Variants in DNAH7 observed in about 807,000 individuals in gnomAD.
The protein encoded by DNAH7 is axonemal beta dynein heavy chain 7.
Under a neutral mutation model 444.6 loss-of-function variants are expected in DNAH7, and 397 were observed. That is an observed-to-expected ratio of 0.89 (90% confidence interval 0.82 to 0.97). The LOEUF (loss-of-function observed/expected upper bound fraction) is 0.97, where lower values mean the gene tolerates loss of function less well. Among genes scored for constraint, DNAH7 ranks in the 50% least tolerant of loss-of-function variants. The probability of loss-of-function intolerance (pLI) is 0.00; values close to 1 mark genes in which losing one functional copy is unlikely to be tolerated. For synonymous variants in DNAH7, 1,636 were observed against 1,624.4 expected (o/e 1.01, Z -0.17); for missense variants, 4,902 against 4,800.8 (o/e 1.02, Z -0.62).
chr2:195,912,686 T>C (rs1233054589), intron 24 of DNAH7, among the ~76,000 whole-genome samples: 1 of 152,206 alleles, frequency 6.6e-6, no homozygotes, highest in African/African-American at 2.4e-5. Context: ...TCTGGGCTTG[T>C]GCCATCACCA....
intron 1 of DNAH7, among the ~76,000 whole-genome samples, chr2:196,060,246 CA>C (rs1481790785): frequency 6.6e-6 from 1 of 151,892 alleles, no homozygotes; most frequent in Non-Finnish European, 1.5e-5. Flanking sequence ...AACAAACAAA[CA>C]AAAAAACTAC....
At chr2:195,988,994 T>C (rs1315938394) in intron 12 of DNAH7, among the ~76,000 whole-genome samples, 1 of 152,246 alleles carries the variant, frequency 6.6e-6, no homozygotes, top group Non-Finnish European at 1.5e-5. Flanking sequence ...GGGTTATCCA[T>C]ATAATTGCAA....
Position 195,756,183 on chromosome 2 carries a change from G to T in DNAH7, c.11536C>A (p.Pro3846Thr). 4 of 1,613,010 alleles carry T rather than the reference G, an allele frequency of 2.5e-6. No individual in the cohort carries two copies. The highest frequency in any genetic ancestry group is 3.4e-6 in the Non-Finnish European group (4 of 1,179,328). The change falls in exon 62 of 65, where the codon CCA (proline) becomes ACA (threonine). Residue 3846 changes from proline (P) to threonine (T), a missense_variant. Transcript: ENST00000312428. ...WMGKSYPSLK[P>T]LGSYVNDFLA... ...AAGTCATTCACATAGCTGCCAAGTGGTTTAAGGCTTGGGTAGGATTTACCC... is the reference window on the plus strand; with the variant it reads ...AAGTCATTCACATAGCTGCCAAGTGTTTTAAGGCTTGGGTAGGATTTACCC...
At chr2:195,841,158 C>T (rs1453978121) in intron 47 of DNAH7, among the ~76,000 whole-genome samples, 1 of 151,710 alleles carries the variant, frequency 6.6e-6, no homozygotes, top group Non-Finnish European at 1.5e-5. Context: ...AAAGGCAATC[C>T]GATTTTAAAA....
At chr2:195,823,509 T>C in intron 49 of DNAH7, among the ~76,000 whole-genome samples, 1 of 152,176 alleles carries the variant, frequency 6.6e-6, no homozygotes, top group East Asian at 1.9e-4. Flanking sequence ...AATTTAAATA[T>C]TTCCAATACA....
At chr2:195,921,016 T>C (rs1042000716) in intron 24 of DNAH7, among the ~76,000 whole-genome samples, 1 of 152,212 alleles carries the variant, frequency 6.6e-6, no homozygotes, top group African/African-American at 2.4e-5. Flanking sequence ...CACAATTTGA[T>C]ACCACTTTAT....
intron 54 of DNAH7, among the ~76,000 whole-genome samples, chr2:195,805,973 G>A (rs184320892): frequency 6.6e-6 from 1 of 152,106 alleles, no homozygotes; most frequent in African/African-American, 2.4e-5. Flanking sequence ...TGGTTAGGAT[G>A]GAGATATTTC....
chr2:195,908,310 T>C (rs574626698), intron 25 of DNAH7, among the ~76,000 whole-genome samples: 18 of 152,248 alleles, frequency 1.2e-4, no homozygotes, highest in African/African-American at 4.3e-4. Context: ...TGAGTCACTA[T>C]GCAATTTGGT....
intron 7 of DNAH7, 26 bp from the exon 8 acceptor site, chr2:196,024,530 TA>T (rs747433608): frequency 1.4e-6 from 2 of 1,382,626 alleles, no homozygotes; most frequent in Admixed American, 2.2e-5. Context: ...AAAATTCTGA[TA>T]AATAACCTTA....
intron 61 of DNAH7, among the ~76,000 whole-genome samples, chr2:195,768,831 T>C (rs1694707254): frequency 6.6e-6 from 1 of 152,212 alleles, no homozygotes; most frequent in African/African-American, 2.4e-5. Flanking sequence ...AGGTTCAACA[T>C]GTTCGTTTGC....
At chr2:195,934,424 T>C (rs1256965839) in intron 21 of DNAH7, among the ~76,000 whole-genome samples, 167 bp downstream of exon 21, 1 of 152,216 alleles carries the variant, frequency 6.6e-6, no homozygotes, top group African/African-American at 2.4e-5. Flanking sequence ...CACTACAAAA[T>C]TACTATCATA....
At chr2:195,959,952 A>G (rs931755293) in intron 18 of DNAH7, among the ~76,000 whole-genome samples, 1 of 152,246 alleles carries the variant, frequency 6.6e-6, no homozygotes, top group Non-Finnish European at 1.5e-5. Flanking sequence ...ATAAAAACGA[A>G]TATCTGGATG....
intron 49 of DNAH7, among the ~76,000 whole-genome samples, chr2:195,818,616 T>C (rs1189851646): frequency 1.3e-5 from 2 of 152,224 alleles, no homozygotes; most frequent in Non-Finnish European, 2.9e-5. Flanking sequence ...ACGACACTTA[T>C]TGAAAATGTT....
chr2:195,994,578 T>C, intron 12 of DNAH7: 1 of 488,108 alleles, frequency 2.0e-6, no homozygotes, highest in Non-Finnish European at 4.0e-6. Flanking sequence ...ATTGTGTGTT[T>C]CCATCTCTTC....
Position 195,988,107 on chromosome 2 carries a change from T to G in DNAH7, c.1476A>C (p.Arg492Ser), listed in dbSNP as rs759770064. 7 of 1,613,808 alleles carry G rather than the reference T, an allele frequency of 4.3e-6. No individual in the cohort carries two copies. In the East Asian group the frequency reaches 1.6e-4, roughly 36 times the overall value. The change falls in exon 13 of 65, where the codon AGA (arginine) becomes AGC (serine). Residue 492 changes from arginine to serine, a missense_variant. Arg to Ser is a moderately radical substitution (Grantham distance 110). Coordinates refer to ENST00000312428, the MANE Select transcript of DNAH7 (RefSeq NM_018897.3). ...KESVAPTEHL[R>S]LYDKYDFLIT... ...TTAAAAAGTCATACTTGTCATAGAG[T>G]CTGAGGTGCTCAGTAGGTGCCACAC...
At chr2:195,874,725 G>A (rs1700940493) in intron 38 of DNAH7, among the ~76,000 whole-genome samples, 1 of 152,148 alleles carries the variant, frequency 6.6e-6, no homozygotes, top group African/African-American at 2.4e-5. Context: ...AGGAGGCTGA[G>A]GTGGGAGGAT....
intron 19 of DNAH7, among the ~76,000 whole-genome samples, chr2:195,943,912 T>G (rs1193602408): frequency 1.3e-5 from 2 of 152,184 alleles, no homozygotes; most frequent in Non-Finnish European, 2.9e-5. Context: ...CCTTTTGCAG[T>G]TGCACCTGCT....
intron 17 of DNAH7, 53 bp from the exon 18 acceptor site, chr2:195,960,998 C>T: frequency 3.0e-6 from 4 of 1,349,826 alleles, no homozygotes; most frequent in East Asian, 2.5e-5. Flanking sequence ...AATGATACTG[C>T]AAATTAAGTT....
intron 2 of DNAH7, among the ~76,000 whole-genome samples, chr2:196,052,643 G>A (rs940747054): frequency 3.3e-5 from 5 of 152,192 alleles, no homozygotes; most frequent in Non-Finnish European, 5.9e-5. Flanking sequence ...TGTAGTCTCT[G>A]CCTTCACAAA....
Sources: gnomAD v4.1 joint callset for allele counts (sites outside exome capture counted in the v4.1 genomes callset) on GRCh38, gnomAD v4.1.1 for gene constraint, MANE v1.5 for transcripts, NCBI Gene and HGNC (gene_info 2026-07-23, HGNC 2026-07-21) for gene names.